The following AFF3 variants were observed in gnomAD, a reference collection of about 807,000 sequenced individuals.
AFF3 encodes the protein AF4/FMR2 family member 3.
AFF3 carries 32 observed loss-of-function variants against 129.7 expected under a neutral mutation model. That is an observed-to-expected ratio of 0.25 (90% CI 0.19 to 0.33). The LOEUF (loss-of-function observed/expected upper bound fraction) is 0.33. Among genes scored for constraint, AFF3 ranks in the 10% least tolerant of loss-of-function variants. AFF3 has a pLI of 1.00. For synonymous variants in AFF3, 644 were observed against 635.4 expected (o/e 1.01, Z -0.20); for missense variants, 1,373 against 1,592.0 (o/e 0.86, Z 2.34).
At chr2:99,598,976 G>C (rs114835590) in intron 14 of AFF3, among the ~76,000 whole-genome samples, 1 of 152,354 alleles carries the variant, frequency 6.6e-6, no homozygotes, top group African/African-American at 2.4e-5. Context: ...CAGAAAGAAC[G>C]AACGTGCAGC....
chr2:99,552,185 C>T (rs561929046), intron 24 of AFF3, among the ~76,000 whole-genome samples: 5 of 152,200 alleles, frequency 3.3e-5, no homozygotes, highest in South Asian at 2.1e-4. Context: ...CAGGAGATCG[C>T]GACCAGTCAG....
At position 99,948,886 on chromosome 2, in the gene AFF3, GAAAACCTCC is replaced by G. The variant is rs1675891806; in HGVS notation, c.873+57737_873+57745del. ...TATGAATACTGGGAAAGAAATGCGTGAAAACCTCCAAAGTATCCTCAATTTACCTCCTCC... is the reference window on the plus strand; with the variant it reads ...TATGAATACTGGGAAAGAAATGCGTGAAAGTATCCTCAATTTACCTCCTCC... On this transcript the variant is annotated intron_variant, in intron 7 of 24. Coordinates refer to ENST00000672756, the MANE Select transcript of AFF3 (RefSeq NM_001386135.1). Among the ~76,000 whole-genome samples the G allele has an allele frequency of 2.0e-5, 3 of 152,300 alleles. No individual in the cohort carries two copies. The South Asian group carries it at 6.2e-4, about 32-fold the overall frequency.
At chr2:100,138,441 T>C (rs1692717723) in intron 1 of AFF3, among the ~76,000 whole-genome samples, 1 of 152,236 alleles carries the variant, frequency 6.6e-6, no homozygotes, top group African/African-American at 2.4e-5. Context: ...TGCTGCTCTA[T>C]TTTAAGTCAA....
Position 99,795,428 on chromosome 2 carries a change from C to T in AFF3, c.921+42049G>A, listed in dbSNP as rs1384589428. Among the ~76,000 whole-genome samples, 3 of 152,020 alleles carry T rather than the reference C, an allele frequency of 2.0e-5. No homozygotes were observed. The South Asian group carries it at 6.2e-4, about 32-fold the overall frequency. On this transcript the variant is annotated intron_variant, in intron 8 of 24. Transcript: ENST00000672756. ...GCAGGTGGGAGGGCAGTGAGGGATG[C>T]GAAATTACTAATGGGCATAATCTAC...
chr2:99,858,922 ATGT>A (rs1690754393), intron 7 of AFF3, among the ~76,000 whole-genome samples: 1 of 152,182 alleles, frequency 6.6e-6, no homozygotes, highest in South Asian at 2.1e-4. Flanking sequence ...AAGAAAACAA[ATGT>A]TGTTCTAAGC....
chr2:99,947,541 GAGAGAAAGAA>G (rs904322986), intron 7 of AFF3, among the ~76,000 whole-genome samples: 8 of 138,292 alleles, frequency 5.8e-5, no homozygotes, highest in African/African-American at 2.1e-4. Context: ...GAAAGAAAAA[GAGAGAAAGAA>G]AGAGAGAGAA....
At chr2:100,056,469 T>C (rs533347027) in intron 4 of AFF3, among the ~76,000 whole-genome samples, 24 of 152,322 alleles carry the variant, frequency 1.6e-4, no homozygotes, top group Non-Finnish European at 3.1e-4. Context: ...TTTACAATCT[T>C]CTGGCATCCT....
At chr2:100,074,312 C>T (rs184337706) in intron 4 of AFF3, among the ~76,000 whole-genome samples, 233 of 152,308 alleles carry the variant, frequency 1.5e-3, no homozygotes, top group Non-Finnish European at 2.6e-3. Flanking sequence ...CCAAAGTATT[C>T]CTCAGTACCC....
At chr2:100,099,538 C>G (rs986894354) in intron 4 of AFF3, among the ~76,000 whole-genome samples, 2 of 151,896 alleles carry the variant, frequency 1.3e-5, no homozygotes, top group Non-Finnish European at 2.9e-5. Flanking sequence ...CTTCCCACCA[C>G]GTGGTTTTCC....
intron 8 of AFF3, among the ~76,000 whole-genome samples, chr2:99,801,627 A>G (rs1289515367): frequency 6.6e-6 from 1 of 152,164 alleles, no homozygotes; most frequent in Non-Finnish European, 1.5e-5. Context: ...CTTCGGGACA[A>G]TCTGGATGCA....
At chr2:99,636,895 CG>C (rs1016944543) in intron 13 of AFF3, among the ~76,000 whole-genome samples, 1 of 152,204 alleles carries the variant, frequency 6.6e-6, no homozygotes, top group African/African-American at 2.4e-5. Flanking sequence ...AAGGCTGGCC[CG>C]GGGCTACCTC....
intron 7 of AFF3, among the ~76,000 whole-genome samples, chr2:99,901,825 G>A (rs1395244070): frequency 6.9e-6 from 1 of 144,214 alleles, no homozygotes; most frequent in African/African-American, 2.7e-5. Flanking sequence ...GTTGCTCCCT[G>A]CTTGAGACAC....
At chr2:99,947,829 G>C (rs771228263) in intron 7 of AFF3, among the ~76,000 whole-genome samples, 1 of 152,252 alleles carries the variant, frequency 6.6e-6, no homozygotes, top group African/African-American at 2.4e-5. Context: ...CAGCTCAAGA[G>C]AGATGGAAAG....
At chr2:100,112,340 C>A in intron 2 of AFF3, 1 of 152,298 alleles carries the variant, frequency 6.6e-6, no homozygotes, top group Non-Finnish European at 1.5e-5. Flanking sequence ...AAAATGCCCA[C>A]AACAAGATAG....
intron 3 of AFF3, 52 bp downstream of exon 3, chr2:100,105,452 C>A (rs1430096794): frequency 7.6e-7 from 1 of 1,322,346 alleles, no homozygotes; most frequent in East Asian, 4.5e-5. Context: ...GTCCCACCCA[C>A]CCTCTAGCTG....
At chr2:99,904,679 T>TCTTC (rs1694584013) in intron 7 of AFF3, among the ~76,000 whole-genome samples, 1 of 152,182 alleles carries the variant, frequency 6.6e-6, no homozygotes, top group African/African-American at 2.4e-5. Context: ...TTTGTTTGTT[T>TCTTC]CTTCAATAAT....
intron 12 of AFF3, 109 bp from the exon 13 acceptor site, chr2:99,649,775 G>A (rs1685065453): frequency 8.0e-7 from 1 of 1,249,168 alleles, no homozygotes; most frequent in Non-Finnish European, 1.2e-6. Flanking sequence ...TTTTTGCCAT[G>A]TGGCCAAATT....
At chr2:99,735,925 T>TTAG (rs1680215968) in intron 10 of AFF3, among the ~76,000 whole-genome samples, 1 of 152,248 alleles carries the variant, frequency 6.6e-6, no homozygotes, top group Non-Finnish European at 1.5e-5. Flanking sequence ...GATTCTTAAT[T>TTAG]TCTAAACATG....
In AFF3 at chr2:99,594,270, T is replaced by C. The variant is rs1390493102; in HGVS notation, c.1391A>G (p.Asn464Ser). 1.2e-6 allele frequency: 2 copies of C among 1,609,666 alleles called. No homozygotes were observed. The highest frequency in any genetic ancestry group is 2.2e-5 in the East Asian group (1 of 44,798). ...SSPEAEPASS[N>S]KWQLDKWLNK... is the part of the protein sequence containing the mutation. ...TAGCCATTTATCCAGCTGCCACTTG[T>C]TAGAGGATGCCGGTTCAGCCTGAAA... The change falls in exon 15 of 25, where the codon AAC becomes AGC. Residue 464 changes from asparagine to serine, a missense_variant. By Grantham distance (46) the Asn-to-Ser change is conservative. Transcript: ENST00000672756.
Sources: gnomAD v4.1 joint callset for allele counts (sites outside exome capture counted in the v4.1 genomes callset) on GRCh38, gnomAD v4.1.1 for gene constraint, MANE v1.5 for transcripts, NCBI Gene and HGNC (gene_info 2026-07-23, HGNC 2026-07-21) for gene names.